PTPRD: variants seen among roughly 807,000 people sequenced by gnomAD.
PTPRD encodes receptor-type tyrosine-protein phosphatase delta.
A neutral mutation model predicts 214.5 loss-of-function variants in PTPRD; 34 were observed. The ratio of observed to expected loss-of-function variants is 0.16; its 90% CI spans 0.12 to 0.21. The LOEUF is 0.21. Ranked by LOEUF, PTPRD falls within the 10% of genes least tolerant of loss-of-function variation. The pLI is 1.00. For missense variants in PTPRD, 2,545 were observed against 2,398.7 expected, an observed-to-expected ratio of 1.06 and a Z score of -1.27; for synonymous variants, 1,128 against 845.7, an observed-to-expected ratio of 1.33 and a Z score of -5.79.
intron 8 of PTPRD, among the ~76,000 whole-genome samples, chr9:9,454,969 A>T (rs1468518093): frequency 6.6e-6 from 1 of 151,686 alleles, no homozygotes; most frequent in Non-Finnish European, 1.5e-5. Flanking sequence ...CTTGAAGAAG[A>T]GTGCCTAAGG....
intron 12 of PTPRD, among the ~76,000 whole-genome samples, chr9:8,719,433 T>C (rs1031785610): frequency 2.6e-5 from 4 of 152,214 alleles, no homozygotes; most frequent in Admixed American, 6.5e-5. Flanking sequence ...AGGAGGCTAA[T>C]CAAACTAATC....
rs10977401 is a variant in PTPRD, at chr9:8,955,793, T to G, written c.-104+62904A>C. 1.1e-4 allele frequency among the ~76,000 whole-genome samples: 17 copies of G among 151,946 alleles called. No individual in the cohort carries two copies. In the East Asian group the frequency reaches 3.1e-3, roughly 28 times the overall value. ...ACACACATCTAACTCCTGTAACATA[T>G]ATAGTGCTAACTCATTAAATCATCT... On this transcript the variant is annotated intron_variant, in intron 11 of 45. Transcript: ENST00000381196.
intron 14 of PTPRD, among the ~76,000 whole-genome samples, chr9:8,530,894 C>T (rs1005557235): frequency 1.3e-5 from 2 of 152,050 alleles, no homozygotes; most frequent in Non-Finnish European, 2.9e-5. Flanking sequence ...CTGGCTCTCC[C>T]GCTGGGCAGG....
intron 9 of PTPRD, among the ~76,000 whole-genome samples, chr9:9,309,910 G>A (rs1958378571): frequency 6.6e-6 from 1 of 152,102 alleles, no homozygotes; most frequent in African/African-American, 2.4e-5. Context: ...CTGTCTGCTT[G>A]AGGTGGATCA....
chr9:9,261,166 G>A (rs1450469434), intron 9 of PTPRD, among the ~76,000 whole-genome samples: 1 of 151,796 alleles, frequency 6.6e-6, no homozygotes, highest in Non-Finnish European at 1.5e-5. Context: ...TGGCTGCTTT[G>A]GGTAATGGCT....
intron 8 of PTPRD, among the ~76,000 whole-genome samples, chr9:9,426,420 TG>T (rs2080948174): frequency 1.3e-5 from 2 of 152,136 alleles, no homozygotes; most frequent in Non-Finnish European, 2.9e-5. Context: ...AAGCTCGAAC[TG>T]GGTGGAGCCC....
At chr9:8,378,534 T>C (rs766341709) in intron 37 of PTPRD, among the ~76,000 whole-genome samples, 14 of 152,234 alleles carry the variant, frequency 9.2e-5, no homozygotes, top group African/African-American at 2.6e-4. Flanking sequence ...AGGCCTCATA[T>C]TGTAATATTC....
chr9:9,788,878 T>A (rs1565272410), intron 5 of PTPRD, among the ~76,000 whole-genome samples: 4 of 152,028 alleles, frequency 2.6e-5, no homozygotes, highest in African/African-American at 9.7e-5. Flanking sequence ...TCATCTAGGG[T>A]CAAAATTAGA....
intron 7 of PTPRD, among the ~76,000 whole-genome samples, chr9:9,605,696 A>G (rs1372196301): frequency 3.3e-5 from 5 of 152,064 alleles, no homozygotes; most frequent in Admixed American, 6.6e-5. Context: ...ACAATTAGGA[A>G]GTGAGGCCAA....
At chr9:8,566,022 G>A (rs542867369) in intron 14 of PTPRD, among the ~76,000 whole-genome samples, 1 of 151,806 alleles carries the variant, frequency 6.6e-6, no homozygotes, top group African/African-American at 2.4e-5. Context: ...TCCCAGGTAA[G>A]CTGGTATAGA....
intron 11 of PTPRD, among the ~76,000 whole-genome samples, chr9:8,740,620 A>C (rs1389105010): frequency 2.0e-5 from 3 of 152,206 alleles, no homozygotes; most frequent in African/African-American, 7.2e-5. Flanking sequence ...TCAAACCTAA[A>C]AATATAAGAA....
At chr9:8,919,499 CTAT>C (rs1269202649) in intron 11 of PTPRD, among the ~76,000 whole-genome samples, 3 of 151,822 alleles carry the variant, frequency 2.0e-5, no homozygotes, top group Admixed American at 2.0e-4. Flanking sequence ...CAGACTTGCT[CTAT>C]TATTATAGTT....
chr9:9,086,076 TTAAC>T (rs1379153219), intron 10 of PTPRD, among the ~76,000 whole-genome samples: 2 of 152,222 alleles, frequency 1.3e-5, no homozygotes, highest in South Asian at 2.1e-4. Flanking sequence ...CTGTTAATGA[TTAAC>T]TAACTCACAT....
At chr9:10,176,478 A>G (rs1024019064) in intron 3 of PTPRD, among the ~76,000 whole-genome samples, 3 of 152,140 alleles carry the variant, frequency 2.0e-5, no homozygotes, top group Admixed American at 1.3e-4. Context: ...CAGAAATCAA[A>G]TCAATTATCA....
intron 39 of PTPRD, among the ~76,000 whole-genome samples, chr9:8,345,307 C>T (rs986516023): frequency 1.3e-5 from 2 of 152,026 alleles, no homozygotes; most frequent in Admixed American, 6.6e-5. Context: ...GCACGCCATA[C>T]CTGGATAGCA....
At chr9:8,849,175 T>A (rs1006553115) in intron 11 of PTPRD, among the ~76,000 whole-genome samples, 4 of 143,442 alleles carry the variant, frequency 2.8e-5, no homozygotes, top group African/African-American at 1.1e-4. Flanking sequence ...AAAAAAATTT[T>A]TTTTTTTTTT....
In PTPRD at chr9:9,660,802, A is replaced by G. The variant is rs954813422; in HGVS notation, c.-287+73731T>C. Among the ~76,000 whole-genome samples the G allele has an allele frequency of 2.6e-4, 40 of 152,070 alleles. 2 individuals are homozygous for G. The highest frequency in any genetic ancestry group is 2.4e-3 in the Admixed American group (37 of 15,244). On this transcript the variant is annotated intron_variant, in intron 7 of 45. Coordinates refer to ENST00000381196, the MANE Select transcript of PTPRD (RefSeq NM_002839.4). Reference sequence around the variant, plus strand: ...TTATGCATAGAAAATTAATCTTGCAACAACTCAAATAACCTCATAAGTTAT... The same window carrying G: ...TTATGCATAGAAAATTAATCTTGCAGCAACTCAAATAACCTCATAAGTTAT...
At chr9:10,171,342 T>C (rs1017925905) in intron 3 of PTPRD, among the ~76,000 whole-genome samples, 6 of 152,010 alleles carry the variant, frequency 3.9e-5, no homozygotes, top group African/African-American at 1.4e-4. Context: ...ATATGGTTCC[T>C]GATACGAGAT....
chr9:8,327,320 T>C (rs1429937676), intron 44 of PTPRD, among the ~76,000 whole-genome samples: 1 of 148,384 alleles, frequency 6.7e-6, no homozygotes, highest in Admixed American at 6.9e-5. Flanking sequence ...TTGTTCAGCT[T>C]CCATGTAGTT....
Sources: gnomAD v4.1 joint callset for allele counts (sites outside exome capture counted in the v4.1 genomes callset) on GRCh38, gnomAD v4.1.1 for gene constraint, MANE v1.5 for transcripts, NCBI Gene and HGNC (gene_info 2026-07-23, HGNC 2026-07-21) for gene names.